The following KCNN3 variants were observed in gnomAD, a reference collection of about 807,000 sequenced individuals.
KCNN3 encodes the protein small conductance calcium-activated potassium channel protein 3.
A neutral mutation model predicts 62.9 loss-of-function variants in KCNN3; 16 were observed. The observed-to-expected ratio is 0.25, with a 90% CI of 0.17 to 0.39. The LOEUF (loss-of-function observed/expected upper bound fraction) is 0.39, where lower values mean the gene tolerates loss of function less well. Ranked by LOEUF, KCNN3 falls within the 10% of genes least tolerant of loss-of-function variation. The probability of loss-of-function intolerance (pLI) is 1.00; values close to 1 mark genes in which losing one functional copy is unlikely to be tolerated. For missense variants in KCNN3, 599 were observed against 949.4 expected (o/e 0.63, Z 4.85); for synonymous variants, 370 against 389.2 (o/e 0.95, Z 0.58).
intron 3 of KCNN3, among the ~76,000 whole-genome samples, chr1:154,757,353 C>T (rs1382502439): frequency 6.6e-6 from 1 of 152,200 alleles, no homozygotes; most frequent in Non-Finnish European, 1.5e-5. Flanking sequence ...CTGGTTCCCA[C>T]GTGGCTGAAC....
chr1:154,719,916 C>T (rs1024557076), intron 5 of KCNN3, among the ~76,000 whole-genome samples: 1 of 152,220 alleles, frequency 6.6e-6, no homozygotes, highest in African/African-American at 2.4e-5. Flanking sequence ...CTCCACCTCT[C>T]TGGCTGGCAG....
intron 6 of KCNN3, among the ~76,000 whole-genome samples, chr1:154,714,439 G>GCT (rs200111273): frequency 2.5e-5 from 1 of 39,496 alleles, no homozygotes; most frequent in Non-Finnish European, 5.0e-5. Context: ...GGTGTGTGGG[G>GCT]GGTGTGTGTG....
At chr1:154,721,273 C>T (rs1485415229) in intron 5 of KCNN3, among the ~76,000 whole-genome samples, 1 of 151,248 alleles carries the variant, frequency 6.6e-6, no homozygotes, top group Non-Finnish European at 1.5e-5. Context: ...CATAGCAGCC[C>T]ACTCTGCCTT....
chr1:154,810,557 C>T (rs909312510), intron 2 of KCNN3, among the ~76,000 whole-genome samples: 2 of 152,174 alleles, frequency 1.3e-5, no homozygotes, highest in Non-Finnish European at 2.9e-5. Flanking sequence ...CCCAAGGGTG[C>T]TGGGCCTCAT....
Position 154,698,385 on chromosome 1 carries a change from A to G in KCNN3, c.*9591T>C, listed in dbSNP as rs1417776246. 2 of 152,152 alleles carry G rather than the reference A, an allele frequency of 1.3e-5. No homozygotes were observed. The highest frequency in any genetic ancestry group is 2.9e-5 in the Non-Finnish European group (2 of 68,032). 9.4% of individuals were successfully genotyped at this position (152,152 alleles called of 1,614,324 possible). A position where few individuals can be genotyped will look rare whatever the true frequency, so the allele number is the denominator to read the frequency against. On this transcript the variant is annotated 3_prime_UTR_variant, in exon 8 of 8. Coordinates refer to ENST00000271915, the MANE Select transcript of KCNN3 (RefSeq NM_002249.6). ...TCTGTTGTCTTTCTGGTCACCTCTGACATTTTGCAGTGTCTCTTCTGATTG... is the reference window on the plus strand; with the variant it reads ...TCTGTTGTCTTTCTGGTCACCTCTGGCATTTTGCAGTGTCTCTTCTGATTG...
At chr1:154,796,771 C>T (rs1019933389) in intron 2 of KCNN3, among the ~76,000 whole-genome samples, 6 of 152,212 alleles carry the variant, frequency 3.9e-5, no homozygotes, top group East Asian at 1.9e-4. Flanking sequence ...CAAGGCACTC[C>T]GGTGGCATTG....
intron 2 of KCNN3, among the ~76,000 whole-genome samples, chr1:154,808,076 C>T (rs1650254605): frequency 6.6e-6 from 1 of 152,194 alleles, no homozygotes; most frequent in Admixed American, 6.5e-5. Flanking sequence ...TATTGACATT[C>T]TCTCCATCTT....
At chr1:154,743,157 C>A (rs1289691401) in intron 3 of KCNN3, among the ~76,000 whole-genome samples, 1 of 150,976 alleles carries the variant, frequency 6.6e-6, no homozygotes, top group East Asian at 1.9e-4. Context: ...GGACCAGCCC[C>A]ATCCTCTCAC....
chr1:154,819,613 T>A (rs1650808675), intron 2 of KCNN3, among the ~76,000 whole-genome samples: 1 of 152,158 alleles, frequency 6.6e-6, no homozygotes, highest in African/African-American at 2.4e-5. Context: ...AAGGTCTAGC[T>A]GGGCACAGAA....
chr1:154,756,306 G>A (rs966995703), intron 3 of KCNN3, among the ~76,000 whole-genome samples: 2 of 151,972 alleles, frequency 1.3e-5, no homozygotes, highest in Non-Finnish European at 2.9e-5. Context: ...GGAGGAAGAG[G>A]AAGAGGAAGA....
intron 2 of KCNN3, among the ~76,000 whole-genome samples, chr1:154,802,440 G>A (rs6699284): frequency 0.14 from 21,596 of 152,172 alleles, 1,677 homozygotes; most frequent in South Asian, 0.27. Flanking sequence ...TCTCACCCCA[G>A]GTGTTCAGTG....
chr1:154,766,420 ATATAT>A (rs1557964844), intron 3 of KCNN3, among the ~76,000 whole-genome samples: 6 of 115,888 alleles, frequency 5.2e-5, no homozygotes, highest in African/African-American at 1.5e-4. Flanking sequence ...CAGGCTTTAT[ATATAT>A]ATATATATAT....
intron 3 of KCNN3, among the ~76,000 whole-genome samples, chr1:154,749,620 CGAG>C (rs1481776658): frequency 1.3e-5 from 2 of 152,002 alleles, no homozygotes; most frequent in Admixed American, 1.3e-4. Flanking sequence ...GACGTCAGGG[CGAG>C]TGGGAAGAAT....
At chr1:154,835,475 G>A (rs1038761328) in intron 1 of KCNN3, among the ~76,000 whole-genome samples, 4 of 152,298 alleles carry the variant, frequency 2.6e-5, no homozygotes, top group South Asian at 2.1e-4. Context: ...ACTTTGCCAG[G>A]CTCATGGGCA....
At chr1:154,732,491 A>AGGGCCATGTGGACAGCCCC (rs1700618057) in intron 4 of KCNN3, among the ~76,000 whole-genome samples, 1 of 152,212 alleles carries the variant, frequency 6.6e-6, no homozygotes, top group Admixed American at 6.5e-5. Flanking sequence ...GAGCCAGCCC[A>AGGGCCATGTGGACAGCCCC]GGGCCATGTG....
intron 3 of KCNN3, among the ~76,000 whole-genome samples, chr1:154,758,515 C>A (rs1017104469): frequency 6.6e-6 from 1 of 152,200 alleles, no homozygotes; most frequent in Non-Finnish European, 1.5e-5. Flanking sequence ...TGTTACCAGG[C>A]GGCTCCCAGG....
chr1:154,741,424 G>A (rs573613013), intron 3 of KCNN3, among the ~76,000 whole-genome samples: 94 of 152,202 alleles, frequency 6.2e-4, no homozygotes, highest in Non-Finnish European at 1.0e-3. Flanking sequence ...AGGCCTGCAT[G>A]CTGCTTTTCC....
chr1:154,852,894 C>T (rs1391259504), intron 1 of KCNN3, among the ~76,000 whole-genome samples: 2 of 152,336 alleles, frequency 1.3e-5, no homozygotes, highest in Admixed American at 6.5e-5. Flanking sequence ...TGCTATTCCT[C>T]TTCCCCCAGG....
At chr1:154,818,883 G>A (rs1650777643) in intron 2 of KCNN3, among the ~76,000 whole-genome samples, 1 of 152,344 alleles carries the variant, frequency 6.6e-6, no homozygotes, top group Non-Finnish European at 1.5e-5. Context: ...AGCCTCACAT[G>A]TGTGCTGGGC....
Sources: allele counts gnomAD v4.1 joint callset (sites outside exome capture counted in the v4.1 genomes callset), GRCh38; gene constraint gnomAD v4.1.1; transcripts MANE v1.5; gene names NCBI Gene and HGNC (gene_info 2026-07-23, HGNC 2026-07-21).